VPS52: variants seen among roughly 807,000 people sequenced by gnomAD.
VPS52 encodes vacuolar protein sorting-associated protein 52 homolog.
Under a neutral mutation model 98.7 loss-of-function variants are expected in VPS52, and 56 were observed. The observed-to-expected ratio is 0.57, with a 90% CI of 0.46 to 0.71. The LOEUF (loss-of-function observed/expected upper bound fraction) is 0.71, where lower values mean the gene tolerates loss of function less well. Ranked by LOEUF, VPS52 falls within the 30% of genes least tolerant of loss-of-function variation. VPS52 has a pLI of 0.00. For synonymous variants in VPS52, 348 were observed against 346.4 expected (o/e 1.00, Z -0.05); for missense variants, 742 against 925.9 (o/e 0.80, Z 2.58).
intron 17 of VPS52, among the ~76,000 whole-genome samples, chr6:33,257,373 T>C (rs1051023338): frequency 5.9e-5 from 9 of 151,730 alleles, no homozygotes; most frequent in African/African-American, 2.2e-4. Flanking sequence ...TAGCATAATA[T>C]TTTTCTGGCC....
Position 33,251,620 on chromosome 6 carries a change from C to T in VPS52, c.1923G>A (p.Leu641=). ...LRGEEARVTQ[L]IRGFGSSWKS... is the part of the protein sequence containing the mutation. ...TCCAGGAACTACCAAAGCCACGGAT[C>T]AGCTGAGTTACCCGGGCTAATAGCA... The change falls in exon 19 of 20, where the codon CTG becomes CTA. Residue 641 remains leucine (L), a synonymous_variant. Coordinates refer to ENST00000445902, the MANE Select transcript of VPS52 (RefSeq NM_022553.6). The T allele has an allele frequency of 1.2e-6, 2 of 1,613,612 alleles. No homozygotes were observed. Among genetic ancestry groups the T allele is most frequent in the Non-Finnish European group, 1.7e-6 (2 of 1,179,694 alleles).
chr6:33,263,221 G>A (rs1397974191), intron 17 of VPS52, among the ~76,000 whole-genome samples: 2 of 140,380 alleles, frequency 1.4e-5, no homozygotes, highest in Admixed American at 1.5e-4. Flanking sequence ...CCATGTTCAT[G>A]CCACTGCACT....
chr6:33,250,842 C>A lies in VPS52; in HGVS notation c.2171G>T (p.Ter724LeuextTer55). 6.2e-7 allele frequency: 1 copy of A among 1,610,136 alleles called. No homozygotes were observed. The highest frequency in any genetic ancestry group is 8.5e-7 in the Non-Finnish European group (1 of 1,177,766). The change falls in exon 20 of 20, where the codon TGA becomes TTA. Residue 724 changes from the stop codon to leucine, a stop_lost. Coordinates refer to ENST00000445902, the MANE Select transcript of VPS52 (RefSeq NM_022553.6). ...GATCTCAGGGCGGTTTCTGGCACAT[C>A]AGAAGTTGGGCTTATGCTTCTTGAG... ...VELKKHKPNF[*>L]
At chr6:33,263,032 A>G (rs528388355) in intron 17 of VPS52, among the ~76,000 whole-genome samples, 1 of 152,308 alleles carries the variant, frequency 6.6e-6, no homozygotes, top group African/African-American at 2.4e-5. Context: ...AACTTAGTGT[A>G]ATCGGATTGT....
chr6:33,271,504 C>A, intron 1 of VPS52, 82 bp downstream of exon 1: 1 of 1,544,510 alleles, frequency 6.5e-7, no homozygotes, highest in Non-Finnish European at 8.8e-7. Flanking sequence ...CAAGTTCCCA[C>A]CCTTGTGCCT....
At position 33,267,157 on chromosome 6, in the gene VPS52, T is replaced by C; in HGVS notation, c.1125+31A>G. ...CCCTCCCCACCGTGCTCAGAGCCTC[T>C]TTCGTGACTGAAGCTTGTTCCTCCT... On this transcript the variant is annotated intron_variant, in intron 11 of 19. Transcript: ENST00000445902. This position sits in a 1 kb window ranked among gnomAD's most constrained non-coding sequence, Gnocchi z 4.2. 1 of 1,464,904 alleles carries C rather than the reference T, an allele frequency of 6.8e-7. No individual in the cohort carries two copies. The highest frequency in any genetic ancestry group is 9.0e-7 in the Non-Finnish European group (1 of 1,106,426). The allele number at this position is 1,464,904 out of a possible 1,614,324, so 90.7% of individuals were successfully genotyped here.
Position 33,269,984 on chromosome 6 carries a change from A to C in VPS52, c.228+15T>G, listed in dbSNP as rs1333032810. The stretch of plus-strand genomic sequence containing the variant: ...AATAGATAGAAGGGCAGATTAGTAC[A>C]GGGGAAAGCCTCACCGTTTTAAGAG... On this transcript the variant is annotated intron_variant, in intron 3 of 19. Coordinates refer to ENST00000445902, the MANE Select transcript of VPS52 (RefSeq NM_022553.6). The C allele has an allele frequency of 6.2e-7, 1 of 1,614,018 alleles. No individual in the cohort carries two copies. The highest frequency in any genetic ancestry group is 8.5e-7 in the Non-Finnish European group (1 of 1,180,030).
chr6:33,263,488 G>C lies in VPS52; in HGVS notation c.1790C>G (p.Thr597Arg). Reference protein sequence around the residue: ...ESFQQLLNARTQEFIEELLSP... With the variant: ...ESFQQLLNARRQEFIEELLSP... ...CCCTTTTCCCCACACCCCTACCTGTGTCCGAGCATTGAGCAGCTGCTGGAA... is the reference window on the plus strand; with the variant it reads ...CCCTTTTCCCCACACCCCTACCTGTCTCCGAGCATTGAGCAGCTGCTGGAA... Residue 597 changes from threonine to arginine, a missense_variant, in exon 17 of 20, where the codon ACA (threonine) becomes AGA (arginine). By Grantham distance (71) the Thr-to-Arg change is moderately conservative. Coordinates refer to ENST00000445902, the MANE Select transcript of VPS52 (RefSeq NM_022553.6). 1 of 1,613,600 alleles carries C rather than the reference G, an allele frequency of 6.2e-7. No individual in the cohort carries two copies. Among genetic ancestry groups the C allele is most frequent in the Non-Finnish European group, 8.5e-7 (1 of 1,179,948 alleles).
Position 33,266,787 on chromosome 6 carries a change from A to C in VPS52, c.1126-75T>G, listed in dbSNP as rs115633414. The C allele has an allele frequency of 8.8e-3, 13,515 of 1,528,046 alleles. 257 individuals are homozygous for C. The highest frequency in any genetic ancestry group is 0.057 in the East Asian group (2,534 of 44,216). The allele number at this position is 1,528,046 out of a possible 1,614,324, so 94.7% of individuals were successfully genotyped here. On this transcript the variant is annotated intron_variant, in intron 11 of 19. Transcript: ENST00000445902. ...CTGACTTCCCATGGATATGGCTGGAAAATCAGTAAACCTGAGTAATAAGAG... is the reference window on the plus strand; with the variant it reads ...CTGACTTCCCATGGATATGGCTGGACAATCAGTAAACCTGAGTAATAAGAG...
rs778074108 is a variant in VPS52, at chr6:33,268,028, G to A, written c.801-31C>T. 11 of 1,612,856 alleles carry A rather than the reference G, an allele frequency of 6.8e-6. No homozygotes were observed. In the Admixed American group the frequency reaches 8.3e-5, roughly 12 times the overall value. The stretch of plus-strand genomic sequence containing the variant: ...GGGTCAGGAACATGTCAGTCTACCT[G>A]TCTCCCAAGAAACCAGATGCCCACA... On this transcript the variant is annotated intron_variant, in intron 8 of 19. Transcript: ENST00000445902. The surrounding 1 kb of genome is among the most constrained non-coding windows in gnomAD (Gnocchi z 4.0).
intron 17 of VPS52, among the ~76,000 whole-genome samples, chr6:33,255,488 T>A (rs1164271115): frequency 2.9e-5 from 4 of 139,376 alleles, no homozygotes; most frequent in Admixed American, 7.2e-5. Flanking sequence ...TTTTTTTTTT[T>A]AAAGAAATGG....
At chr6:33,256,483 A>G (rs1250314218) in intron 17 of VPS52, among the ~76,000 whole-genome samples, 21 of 52,712 alleles carry the variant, frequency 4.0e-4, no homozygotes, top group Admixed American at 5.5e-4. Context: ...AAAAAAAAAA[A>G]AAAAAAAAAA....
intron 17 of VPS52, among the ~76,000 whole-genome samples, chr6:33,259,359 A>G (rs995723307): frequency 6.6e-6 from 1 of 152,180 alleles, no homozygotes; most frequent in African/African-American, 2.4e-5. Flanking sequence ...GTCGCCTTCA[A>G]CCATATCTAT....
In VPS52 at chr6:33,250,732, G is replaced by A; in HGVS notation, c.*109C>T. The A allele has an allele frequency of 5.5e-6, 8 of 1,460,754 alleles. No individual in the cohort carries two copies. Among genetic ancestry groups the A allele is most frequent in the Non-Finnish European group, 7.4e-6 (8 of 1,079,752 alleles). 90.5% of individuals were successfully genotyped at this position (1,460,754 alleles called of 1,614,324 possible). Reference sequence around the variant, plus strand: ...GGCAGGTAAGCCATGTCAAGGGCCTGGGAAGCAAGGGGAAAACTGGAAGGG... The same window carrying A: ...GGCAGGTAAGCCATGTCAAGGGCCTAGGAAGCAAGGGGAAAACTGGAAGGG... On this transcript the variant is annotated 3_prime_UTR_variant, in exon 20 of 20. Coordinates refer to ENST00000445902, the MANE Select transcript of VPS52 (RefSeq NM_022553.6).
chr6:33,266,258 C>T (rs115724705), intron 12 of VPS52, among the ~76,000 whole-genome samples: 1 of 150,882 alleles, frequency 6.6e-6, no homozygotes, highest in East Asian at 2.0e-4. Flanking sequence ...TCCACCTCAG[C>T]ATCTTTAGTA....
intron 1 of VPS52, 25 bp from the exon 2 acceptor site, chr6:33,270,308 G>A (rs1206231881): frequency 1.9e-6 from 3 of 1,588,046 alleles, no homozygotes; most frequent in Non-Finnish European, 2.6e-6. Context: ...GTTAATGGGA[G>A]TAGGGTACGG....
intron 12 of VPS52, among the ~76,000 whole-genome samples, chr6:33,265,119 C>G (rs1055714424): frequency 3.3e-5 from 5 of 152,068 alleles, no homozygotes; most frequent in African/African-American, 1.2e-4. Context: ...GCCACCCAAG[C>G]TGGAATGCAG....
rs139147458 is a variant in VPS52, at chr6:33,268,516, C to A, written c.682G>T (p.Asp228Tyr). Residue 228 changes from aspartate to tyrosine, a missense_variant, in exon 7 of 20, where the codon GAT (aspartate) becomes TAT (tyrosine). Asp to Tyr is a radical substitution (Grantham distance 160). Around this residue, in one of 2 missense-constraint regions of VPS52, gnomAD observed 590 missense variants for 793.3 expected, o/e 0.74. Coordinates refer to ENST00000445902, the MANE Select transcript of VPS52 (RefSeq NM_022553.6). The surrounding 1 kb of genome is among the most constrained non-coding windows in gnomAD (Gnocchi z 4.0). ...AACADVRGVLDRLRVKAVTKI... is the reference protein window; with the variant it reads ...AACADVRGVLYRLRVKAVTKI... ...CTTCCCACCTTGACCCGGAGCCGAT[C>A]GAGCACGCCTCTGACATCTGCGCAG... 1.0e-5 allele frequency: 16 copies of A among 1,604,250 alleles called. No homozygotes were observed. The highest frequency in any genetic ancestry group is 1.3e-5 in the Non-Finnish European group (15 of 1,174,364).
intron 1 of VPS52, 114 bp from the exon 2 acceptor site, chr6:33,270,397 A>G: frequency 1.0e-6 from 1 of 973,748 alleles, no homozygotes; most frequent in Non-Finnish European, 1.5e-6. Flanking sequence ...TGGGAGCCAC[A>G]GGTACTGCTT....
Sources: allele counts gnomAD v4.1 joint callset (sites outside exome capture counted in the v4.1 genomes callset), GRCh38; gene constraint gnomAD v4.1.1; regional missense constraint gnomAD v4.1.1; non-coding constraint Gnocchi (gnomAD v3.1); transcripts MANE v1.5; gene names NCBI Gene and HGNC (gene_info 2026-07-23, HGNC 2026-07-21).